Variants in CDH18 observed in about 807,000 individuals in gnomAD.
CDH18 encodes the protein cadherin-18.
CDH18 carries 31 observed loss-of-function variants against 67.9 expected under a neutral mutation model. The ratio of observed to expected loss-of-function variants is 0.46; its 90% confidence interval spans 0.34 to 0.62. CDH18 has a LOEUF of 0.62. Among genes scored for constraint, CDH18 ranks in the 20% least tolerant of loss-of-function variants. The probability of loss-of-function intolerance (pLI) is 0.01; values close to 1 mark genes in which losing one functional copy is unlikely to be tolerated. For missense variants in CDH18, 890 were observed against 975.5 expected (o/e 0.91, Z 1.17); for synonymous variants, 362 against 347.2 (o/e 1.04, Z -0.48).
At chr5:19,809,102 A>C (rs1328668070) in intron 3 of CDH18, among the ~76,000 whole-genome samples, 3 of 152,162 alleles carry the variant, frequency 2.0e-5, no homozygotes, top group Non-Finnish European at 4.4e-5. Flanking sequence ...AATGGCAGAC[A>C]AAGCTGATCT....
At chr5:19,573,075 A>C (rs1741713636) in intron 7 of CDH18, among the ~76,000 whole-genome samples, 2 of 152,272 alleles carry the variant, frequency 1.3e-5, no homozygotes, top group Middle Eastern at 3.4e-3. Context: ...ACCAGTTTCC[A>C]AAAAAATATG....
At chr5:20,520,806 G>T (rs759537009) in intron 1 of CDH18, among the ~76,000 whole-genome samples, 3 of 152,110 alleles carry the variant, frequency 2.0e-5, no homozygotes, top group Non-Finnish European at 2.9e-5. Context: ...CAAGAAAAAA[G>T]TTGGATGTAT....
intron 2 of CDH18, among the ~76,000 whole-genome samples, chr5:20,065,826 C>G (rs1420366848): frequency 6.6e-6 from 1 of 151,970 alleles, no homozygotes; most frequent in East Asian, 1.9e-4. Flanking sequence ...TAAATCCAAC[C>G]ATCATAGGTT....
At chr5:20,071,165 T>C (rs1743445503) in intron 2 of CDH18, among the ~76,000 whole-genome samples, 1 of 152,114 alleles carries the variant, frequency 6.6e-6, no homozygotes, top group Non-Finnish European at 1.5e-5. Flanking sequence ...AAGCTACAGA[T>C]ACACTGGCAT....
At chr5:19,837,568 TA>T (rs1221021206) in intron 3 of CDH18, among the ~76,000 whole-genome samples, 1 of 152,160 alleles carries the variant, frequency 6.6e-6, no homozygotes, top group African/African-American at 2.4e-5. Context: ...TGTCTCATTT[TA>T]ATATGCATAT....
chr5:20,185,561 C>T (rs1738031255), intron 2 of CDH18, among the ~76,000 whole-genome samples: 2 of 152,154 alleles, frequency 1.3e-5, no homozygotes, highest in South Asian at 4.1e-4. Context: ...ACTGGACCCC[C>T]TACTGGTTCT....
chr5:19,974,724 G>T (rs930101018), intron 2 of CDH18, among the ~76,000 whole-genome samples: 1 of 151,932 alleles, frequency 6.6e-6, no homozygotes, highest in Non-Finnish European at 1.5e-5. Flanking sequence ...TAGGAATATT[G>T]GTACTAGTTC....
intron 3 of CDH18, among the ~76,000 whole-genome samples, chr5:19,787,313 G>A (rs570490711): frequency 2.8e-5 from 4 of 144,670 alleles, no homozygotes; most frequent in East Asian, 1.9e-4. Flanking sequence ...TTAGCCGGGC[G>A]TGGTGGTGCG....
intron 1 of CDH18, among the ~76,000 whole-genome samples, chr5:20,421,508 G>T (rs1393980592): frequency 6.6e-6 from 1 of 150,902 alleles, no homozygotes; most frequent in African/African-American, 2.5e-5. Context: ...GTGCTGAAAT[G>T]AATATGAAAT....
Position 19,933,609 on chromosome 5 carries a change from T to A in CDH18, c.-257+47451A>T, listed in dbSNP as rs150657079. Among the ~76,000 whole-genome samples the A allele has an allele frequency of 2.0e-3, 301 of 151,648 alleles. 2 individuals carry two copies. The highest frequency in any genetic ancestry group is 7.0e-3 in the African/African-American group (291 of 41,476). ...ATTTTGCCATCATAACTCCACCTAA[T>A]GTACTCTTGGCAAGATCAGCAACCT... On this transcript the variant is annotated intron_variant, in intron 2 of 12. Transcript: ENST00000382275.
intron 2 of CDH18, among the ~76,000 whole-genome samples, chr5:20,019,213 A>G (rs1738177604): frequency 1.3e-5 from 2 of 152,230 alleles, no homozygotes. Context: ...ATAGTGAGAC[A>G]ATAAAATAAG....
intron 1 of CDH18, among the ~76,000 whole-genome samples, chr5:20,334,750 T>TCA: frequency 5.0e-5 from 5 of 99,364 alleles, no homozygotes; most frequent in African/African-American, 2.4e-4. Context: ...TCTCTCTCTC[T>TCA]CATACACACA....
intron 1 of CDH18, among the ~76,000 whole-genome samples, chr5:20,547,023 CA>C (rs1706100695): frequency 6.6e-6 from 1 of 151,898 alleles, no homozygotes; most frequent in South Asian, 2.1e-4. Context: ...CGCTGTCTAT[CA>C]AAACACAGAG....
intron 1 of CDH18, among the ~76,000 whole-genome samples, chr5:20,420,478 A>C (rs1236987416): frequency 6.6e-6 from 1 of 151,210 alleles, no homozygotes; most frequent in Non-Finnish European, 1.5e-5. Context: ...AAGACGACTT[A>C]AGCTTTTGCT....
intron 3 of CDH18, among the ~76,000 whole-genome samples, chr5:19,774,500 C>T (rs1212117284): frequency 6.7e-6 from 1 of 148,154 alleles, no homozygotes; most frequent in Non-Finnish European, 1.5e-5. Flanking sequence ...GAAATGGAGC[C>T]CTCATGAATG....
chr5:19,524,595 A>G (rs1383053329), intron 9 of CDH18, among the ~76,000 whole-genome samples: 2 of 152,064 alleles, frequency 1.3e-5, no homozygotes, highest in Non-Finnish European at 2.9e-5. Flanking sequence ...TATATTTTCT[A>G]TTCTACATAT....
intron 1 of CDH18, among the ~76,000 whole-genome samples, chr5:20,268,083 G>A (rs1434576977): frequency 6.6e-6 from 1 of 152,150 alleles, no homozygotes; most frequent in Non-Finnish European, 1.5e-5. Flanking sequence ...ATTTGCTTAG[G>A]ATAATTGCCT....
chr5:20,236,570 C>A (rs1742491190), intron 2 of CDH18, among the ~76,000 whole-genome samples: 1 of 151,794 alleles, frequency 6.6e-6, no homozygotes, highest in Non-Finnish European at 1.5e-5. Context: ...AATTATATGT[C>A]AATTAATTTA....
rs144404661 is a variant in CDH18 at position 20,122,846 on chromosome 5, T to C, written c.-517-130832A>G. On this transcript the variant is annotated intron_variant, in intron 2 of 14. Transcript: ENST00000507958. The stretch of plus-strand genomic sequence containing the variant: ...TATATATACATATATATATATTCCC[T>C]ATATAACATGTCTGAAAGAAATTTA... 0.016 allele frequency among the ~76,000 whole-genome samples: 2,298 copies of C among 147,848 alleles called. 188 individuals are homozygous for C. The East Asian group carries it at 0.26, about 17-fold the overall frequency.
Sources: allele counts gnomAD v4.1 joint callset (sites outside exome capture counted in the v4.1 genomes callset), GRCh38; gene constraint gnomAD v4.1.1; transcripts MANE v1.5; gene names NCBI Gene and HGNC (gene_info 2026-07-23, HGNC 2026-07-21).